MAP3K9: variants seen among roughly 807,000 people sequenced by gnomAD.
The protein encoded by MAP3K9 is mixed lineage kinase 1 (tyr and ser/thr specificity).
Under a neutral mutation model 95.8 loss-of-function variants are expected in MAP3K9, and 46 were observed. The ratio of observed to expected loss-of-function variants is 0.48; its 90% CI spans 0.38 to 0.61. The LOEUF (loss-of-function observed/expected upper bound fraction) is 0.61, where lower values mean the gene tolerates loss of function less well. MAP3K9 is among the 20% of genes least tolerant of loss of function. The pLI is 0.00. For missense variants in MAP3K9, 1,296 were observed against 1,474.3 expected, an observed-to-expected ratio of 0.88 and a Z score of 1.98; for synonymous variants, 533 against 593.8, an observed-to-expected ratio of 0.90 and a Z score of 1.49.
intron 2 of MAP3K9, among the ~76,000 whole-genome samples, chr14:70,792,607 T>C (rs1348151192): frequency 2.6e-5 from 4 of 152,334 alleles, no homozygotes; most frequent in Non-Finnish European, 4.4e-5. Flanking sequence ...TCGAGGCAAG[T>C]CTAATGCCAC....
chr14:70,742,761 T>G (rs1182979080), intron 5 of MAP3K9, among the ~76,000 whole-genome samples, 170 bp from the exon 6 acceptor site: 2 of 151,922 alleles, frequency 1.3e-5, no homozygotes, highest in African/African-American at 4.8e-5. Flanking sequence ...TTAGACCACC[T>G]TGAATGGTGG....
intron 2 of MAP3K9, among the ~76,000 whole-genome samples, chr14:70,761,750 CT>C (rs901366420): frequency 3.9e-5 from 6 of 151,920 alleles, no homozygotes; most frequent in Middle Eastern, 3.2e-3. Flanking sequence ...TTTTGTAGAC[CT>C]TTTTTTTGGG....
chr14:70,750,374 G>A (rs1438808394), intron 3 of MAP3K9, among the ~76,000 whole-genome samples: 2 of 152,166 alleles, frequency 1.3e-5, no homozygotes, highest in Admixed American at 1.3e-4. Flanking sequence ...TGTAATGCAC[G>A]AATAACACTA....
In MAP3K9 at chr14:70,784,237, C is replaced by T. The variant is rs769774198; in HGVS notation, c.820+16430G>A. 4.6e-4 allele frequency among the ~76,000 whole-genome samples: 69 copies of T among 151,580 alleles called. 3 individuals carry two copies. Among genetic ancestry groups the T allele is most frequent in the Non-Finnish European group, 1.3e-4 (9 of 67,912 alleles). ...GGTGGAGGCTGCAGCAAGCTGAGAT[C>T]GCGCCACTGCACTCCAGCCTGGGAA... On this transcript the variant is annotated intron_variant, in intron 2 of 11. Coordinates refer to ENST00000554752, the MANE Select transcript of MAP3K9 (RefSeq NM_001284230.2).
At chr14:70,791,684 G>A (rs558227877) in intron 2 of MAP3K9, among the ~76,000 whole-genome samples, 109 of 152,232 alleles carry the variant, frequency 7.2e-4, no homozygotes, top group African/African-American at 2.5e-3. Context: ...AGATCACGTC[G>A]GAAACAAAAC....
At chr14:70,792,253 G>A (rs1312966437) in intron 2 of MAP3K9, among the ~76,000 whole-genome samples, 1 of 152,162 alleles carries the variant, frequency 6.6e-6, no homozygotes, top group East Asian at 1.9e-4. Flanking sequence ...TTCTCTGAGC[G>A]CTTGTACACT....
At chr14:70,764,645 A>C (rs902735834) in intron 2 of MAP3K9, among the ~76,000 whole-genome samples, 4 of 151,998 alleles carry the variant, frequency 2.6e-5, no homozygotes, top group Non-Finnish European at 5.9e-5. Context: ...AGCCTGGAAA[A>C]CATAGTGAAA....
chr14:70,742,094 G>A (rs192615477), intron 6 of MAP3K9, among the ~76,000 whole-genome samples: 2 of 152,180 alleles, frequency 1.3e-5, no homozygotes, highest in Admixed American at 1.3e-4. Context: ...GAGCCACCAG[G>A]CTTCTAGCAG....
intron 2 of MAP3K9, among the ~76,000 whole-genome samples, chr14:70,764,987 T>C (rs181927705): frequency 6.6e-6 from 1 of 152,340 alleles, no homozygotes; most frequent in Admixed American, 6.5e-5. Context: ...TTTTTGTTTA[T>C]AAAGTTAAAA....
intron 5 of MAP3K9, among the ~76,000 whole-genome samples, 165 bp from the exon 6 acceptor site, chr14:70,742,756 C>T (rs1476906146): frequency 6.6e-6 from 1 of 151,946 alleles, no homozygotes; most frequent in African/African-American, 2.4e-5. Flanking sequence ...GAACATTAGA[C>T]CACCTTGAAT....
intron 2 of MAP3K9, among the ~76,000 whole-genome samples, chr14:70,787,507 CAAAA>C (rs66469021): frequency 4.8e-5 from 6 of 126,176 alleles, no homozygotes; most frequent in Admixed American, 8.1e-5. Flanking sequence ...GACTCTGTCT[CAAAA>C]AAAAAAAAAA....
intron 1 of MAP3K9, among the ~76,000 whole-genome samples, chr14:70,807,661 T>C (rs989198806): frequency 6.6e-6 from 1 of 152,120 alleles, no homozygotes; most frequent in Non-Finnish European, 1.5e-5. Flanking sequence ...AAATAAGGAA[T>C]AAACAGTAAT....
chr14:70,769,710 C>T (rs985858505), intron 2 of MAP3K9, among the ~76,000 whole-genome samples: 3 of 152,298 alleles, frequency 2.0e-5, no homozygotes, highest in East Asian at 1.9e-4. Flanking sequence ...CTAATCTCTG[C>T]CTCCATCTTC....
intron 2 of MAP3K9, among the ~76,000 whole-genome samples, chr14:70,776,607 C>T (rs970104851): frequency 1.3e-5 from 2 of 152,246 alleles, no homozygotes; most frequent in East Asian, 1.9e-4. Flanking sequence ...GGAATCCCTA[C>T]GATCTTAAAG....
intron 11 of MAP3K9, 33 bp downstream of exon 11, chr14:70,732,506 A>T (rs771431686): frequency 1.3e-6 from 2 of 1,512,702 alleles, no homozygotes; most frequent in Admixed American, 4.6e-5. Context: ...GGAGGCACAA[A>T]GAAAGGAAAG....
intron 1 of MAP3K9, among the ~76,000 whole-genome samples, chr14:70,807,798 G>C (rs774420652): frequency 6.6e-6 from 1 of 151,954 alleles, no homozygotes; most frequent in Non-Finnish European, 1.5e-5. Flanking sequence ...TATGATTAAG[G>C]GATTGTGATG....
chr14:70,786,052 G>A (rs918114499), intron 2 of MAP3K9, among the ~76,000 whole-genome samples: 1 of 152,120 alleles, frequency 6.6e-6, no homozygotes, highest in Admixed American at 6.5e-5. Flanking sequence ...AAGCCAAGGA[G>A]AGTATCAGAT....
chr14:70,766,446 G>A (rs2054457288), intron 2 of MAP3K9, among the ~76,000 whole-genome samples: 1 of 152,076 alleles, frequency 6.6e-6, no homozygotes, highest in African/African-American at 2.4e-5. Context: ...AGCGCTCAAG[G>A]GACTGATATG....
chr14:70,750,035 G>A lies in MAP3K9; in HGVS notation c.1048C>T (p.Arg350Ter), dbSNP rs1299953155. ...GCGACTGCTAAGCCATCAATGCCTCGAAAGGGCACCTCACCAGTCAGCAAC... is the reference window on the plus strand; with the variant it reads ...GCGACTGCTAAGCCATCAATGCCTCAAAAGGGCACCTCACCAGTCAGCAAC... ...WELLTGEVPFRGIDGLAVAYG... is the reference protein window; with the variant it reads ...WELLTGEVPF Residue 350 changes from arginine (R) to a stop codon, truncating the protein, a stop_gained, in exon 4 of 12, where the codon CGA becomes TGA. Transcript: ENST00000554752. LOFTEE classifies it high-confidence loss of function. 9 of 1,614,164 alleles carry A rather than the reference G, an allele frequency of 5.6e-6. No individual in the cohort carries two copies. The highest frequency in any genetic ancestry group is 2.2e-5 in the East Asian group (1 of 44,884).
Sources: gnomAD v4.1 joint callset for allele counts (sites outside exome capture counted in the v4.1 genomes callset) on GRCh38, gnomAD v4.1.1 for gene constraint, MANE v1.5 for transcripts, NCBI Gene and HGNC (gene_info 2026-07-23, HGNC 2026-07-21) for gene names.